DOCK4: variants seen among roughly 807,000 people sequenced by gnomAD.
The protein encoded by DOCK4 is dedicator of cytokinesis 4.
In DOCK4, 97 loss-of-function variants were observed where a neutral mutation model predicts 268.1. The observed-to-expected ratio is 0.36, with a 90% CI of 0.31 to 0.43. DOCK4 has a LOEUF of 0.43. Among genes scored for constraint, DOCK4 ranks in the 20% least tolerant of loss-of-function variants. The probability of loss-of-function intolerance (pLI) is 1.00; values close to 1 mark genes in which losing one functional copy is unlikely to be tolerated. For synonymous variants in DOCK4, 954 were observed against 887.2 expected, an observed-to-expected ratio of 1.08 and a Z score of -1.34; for missense variants, 2,145 against 2,455.7, an observed-to-expected ratio of 0.87 and a Z score of 2.67.
intron 12 of DOCK4, among the ~76,000 whole-genome samples, chr7:111,927,776 C>T (rs192125648): frequency 3.3e-5 from 5 of 152,232 alleles, no homozygotes; most frequent in Admixed American, 1.3e-4. Context: ...GGACACATTA[C>T]CCTAAAACAT....
intron 1 of DOCK4, among the ~76,000 whole-genome samples, chr7:112,157,084 G>T (rs1395131425): frequency 6.6e-6 from 1 of 152,004 alleles, no homozygotes; most frequent in Non-Finnish European, 1.5e-5. Flanking sequence ...CTAGATTTCT[G>T]TGAGTATGTA....
At chr7:111,940,273 T>A in intron 10 of DOCK4, 31 bp from the exon 11 acceptor site, 1 of 1,613,606 alleles carries the variant, frequency 6.2e-7, no homozygotes, top group Non-Finnish European at 8.5e-7. Flanking sequence ...CATTAACCCA[T>A]GGAGCCATTT....
chr7:111,748,156 C>T (rs940101550), intron 42 of DOCK4, among the ~76,000 whole-genome samples: 1 of 152,128 alleles, frequency 6.6e-6, no homozygotes, highest in Admixed American at 6.6e-5. Flanking sequence ...GAAGGTCTGC[C>T]AAGCTCTCAG....
intron 8 of DOCK4, among the ~76,000 whole-genome samples, chr7:111,959,406 G>A (rs1270393847): frequency 6.6e-6 from 1 of 152,122 alleles, no homozygotes; most frequent in Non-Finnish European, 1.5e-5. Flanking sequence ...AGGGATCTAT[G>A]CCCATGATTG....
intron 16 of DOCK4, among the ~76,000 whole-genome samples, chr7:111,888,647 T>C (rs1267486241): frequency 2.0e-5 from 3 of 151,950 alleles, no homozygotes; most frequent in Non-Finnish European, 2.9e-5. Flanking sequence ...AGTTGGACAG[T>C]CAACCAGAAG....
intron 42 of DOCK4, among the ~76,000 whole-genome samples, chr7:111,750,348 T>C (rs1263259023): frequency 6.6e-6 from 1 of 152,218 alleles, no homozygotes; most frequent in Non-Finnish European, 1.5e-5. Flanking sequence ...GAAGAGATGT[T>C]ATCTACAGAA....
At position 112,033,764 on chromosome 7, in the gene DOCK4, T is replaced by C. The variant is rs1379185149; in HGVS notation, c.38-29633A>G. ...CCAAATAACACAGTCCTTGGAAATC[T>C]GAGCCACTACATTCCTGTTGAAGAA... On this transcript the variant is annotated intron_variant, in intron 1 of 52. Coordinates refer to ENST00000428084, the MANE Select transcript of DOCK4 (RefSeq NM_001363540.2). Among the ~76,000 whole-genome samples, 9 of 152,238 alleles carry C rather than the reference T, an allele frequency of 5.9e-5. No individual in the cohort carries two copies. The South Asian group carries it at 8.3e-4, about 14-fold the overall frequency.
chr7:112,196,029 G>A (rs1820394182), intron 1 of DOCK4, among the ~76,000 whole-genome samples: 1 of 152,140 alleles, frequency 6.6e-6, no homozygotes, highest in South Asian at 2.1e-4. Flanking sequence ...GTTTTCTTGA[G>A]AAACAGCCAT....
chr7:112,175,883 T>C (rs574649128), intron 1 of DOCK4, among the ~76,000 whole-genome samples: 6 of 152,320 alleles, frequency 3.9e-5, no homozygotes, highest in East Asian at 1.9e-4. Flanking sequence ...AAGTGTGCTA[T>C]AATAACTTTC....
At chr7:111,989,508 C>G (rs1391938011) in intron 5 of DOCK4, among the ~76,000 whole-genome samples, 2 of 152,216 alleles carry the variant, frequency 1.3e-5, no homozygotes, top group Non-Finnish European at 2.9e-5. Flanking sequence ...CTTCCCTGAT[C>G]ACTTTTGCTC....
At chr7:112,005,501 C>T (rs1348890176) in intron 1 of DOCK4, among the ~76,000 whole-genome samples, 2 of 152,178 alleles carry the variant, frequency 1.3e-5, no homozygotes, top group Non-Finnish European at 2.9e-5. Context: ...ATACCATTAG[C>T]CTCATAATGA....
chr7:112,159,841 C>CATAATATTATGTATATATAT (rs1563143248), intron 1 of DOCK4, among the ~76,000 whole-genome samples: 65 of 147,860 alleles, frequency 4.4e-4, no homozygotes, highest in African/African-American at 1.5e-3. Flanking sequence ...TATATATATA[C>CATAATATTATGTATATATAT]ATAATATATA....
chr7:111,935,701 G>A (rs933127708), intron 11 of DOCK4, 73 bp from the exon 12 acceptor site: 12 of 1,326,574 alleles, frequency 9.0e-6, no homozygotes, highest in Non-Finnish European at 1.2e-5. Context: ...TAGTACATCT[G>A]CCCTTTTCGT....
At chr7:111,829,723 C>T (rs918171851) in intron 26 of DOCK4, among the ~76,000 whole-genome samples, 1 of 152,158 alleles carries the variant, frequency 6.6e-6, no homozygotes, top group African/African-American at 2.4e-5. Context: ...TAAGCAACTG[C>T]TTAGAACAGT....
chr7:111,839,857 G>C (rs574008518), intron 25 of DOCK4, among the ~76,000 whole-genome samples: 9 of 151,876 alleles, frequency 5.9e-5, no homozygotes, highest in Non-Finnish European at 1.0e-4. Flanking sequence ...GGTTTTTGGG[G>C]AAACAGGTGG....
chr7:111,737,361 A>AGCAGT (rs1426518762), intron 49 of DOCK4, among the ~76,000 whole-genome samples: 1 of 152,146 alleles, frequency 6.6e-6, no homozygotes, highest in East Asian at 1.9e-4. Flanking sequence ...CCTGGGCTCA[A>AGCAGT]GCAGTCCTTC....
rs751625269 is a variant in DOCK4, at chr7:111,940,110, A to G, written c.977T>C (p.Met326Thr). The change falls in exon 11 of 53, where the codon ATG becomes ACG. Residue 326 changes from methionine to threonine, a missense_variant and splice_region_variant. By Grantham distance (81) the Met-to-Thr change is moderately conservative (BLOSUM62 -1). This residue lies in a region of DOCK4 where 1,598 missense variants were observed against 1,986.7 expected (regional missense o/e 0.80). Coordinates refer to ENST00000428084, the MANE Select transcript of DOCK4 (RefSeq NM_001363540.2). ...CCATCACCACGTGCATGTTTCTTAC[A>G]TGTATACTTTCAGAATGAGGTCATC... ...TKDDLILKVYMCNTESEWYQI... is the reference protein window; with the variant it reads ...TKDDLILKVYTCNTESEWYQI... 1 of 1,613,972 alleles carries G rather than the reference A, an allele frequency of 6.2e-7. No individual in the cohort carries two copies. Among genetic ancestry groups the G allele is most frequent in the Non-Finnish European group, 8.5e-7 (1 of 1,179,880 alleles).
rs866445242 is a variant in DOCK4, at chr7:111,795,549, G to A, written c.3167-4944C>T. On this transcript the variant is annotated intron_variant, in intron 30 of 52. Transcript: ENST00000428084. ...GCTGGGAAACAACCAGCCCTGATGC[G>A]TGTCCTCTTGAAAATGATCATGCCT... Among the ~76,000 whole-genome samples the A allele has an allele frequency of 1.4e-4, 21 of 152,272 alleles. No homozygotes were observed. The Middle Eastern group carries it at 0.017, about 123-fold the overall frequency.
chr7:112,166,273 GAA>G (rs1413568355), intron 1 of DOCK4, among the ~76,000 whole-genome samples: 1 of 151,978 alleles, frequency 6.6e-6, no homozygotes, highest in Non-Finnish European at 1.5e-5. Flanking sequence ...TTTACCAAAA[GAA>G]AAAACATGCT....
Sources: allele counts gnomAD v4.1 joint callset (sites outside exome capture counted in the v4.1 genomes callset), GRCh38; gene constraint gnomAD v4.1.1; regional missense constraint gnomAD v4.1.1; transcripts MANE v1.5; gene names NCBI Gene and HGNC (gene_info 2026-07-23, HGNC 2026-07-21).